The following NBR1 variants were observed in gnomAD, a reference collection of about 807,000 sequenced individuals.
NBR1 encodes next to BRCA1 gene 1 protein.
In NBR1, 59 loss-of-function variants were observed where a neutral mutation model predicts 115.5. The observed-to-expected ratio is 0.51, with a 90% CI of 0.41 to 0.63. NBR1 has a LOEUF of 0.63. NBR1 is among the 30% of genes least tolerant of loss of function. NBR1 has a pLI of 0.00. For missense variants in NBR1, 1,043 were observed against 1,150.5 expected, an observed-to-expected ratio of 0.91 and a Z score of 1.35; for synonymous variants, 373 against 414.7, an observed-to-expected ratio of 0.90 and a Z score of 1.22.
At chr17:43,201,612 C>A in intron 17 of NBR1, 74 bp from the exon 18 acceptor site, 1 of 853,456 alleles carries the variant, frequency 1.2e-6, no homozygotes, top group Non-Finnish European at 2.0e-6. Context: ...CACTGCTGTG[C>A]TGTGTTTACT....
chr17:43,179,323 TG>T, intron 3 of NBR1, 70 bp from the exon 4 acceptor site: 2 of 1,414,954 alleles, frequency 1.4e-6, no homozygotes, highest in Admixed American at 1.8e-5. Flanking sequence ...CCTATGGGGC[TG>T]GTCCTAGTAA....
Position 43,193,699 on chromosome 17 carries a change from T to C in NBR1, c.1524+61T>C, listed in dbSNP as rs552751842. ...AAATCTTAGTTAGAGAGGAGATGGC[T>C]AAAACTAAAAGAACCCACTCATAGC... On this transcript the variant is annotated intron_variant, in intron 12 of 20. Transcript: ENST00000590996. The C allele has an allele frequency of 3.4e-4, 513 of 1,505,728 alleles. 8 individuals are homozygous for C. In the Middle Eastern group the frequency reaches 0.019, roughly 54 times the overall value. 93.3% of individuals were successfully genotyped at this position (1,505,728 alleles called of 1,614,324 possible).
At chr17:43,187,668 C>G (rs1012431467) in intron 6 of NBR1, among the ~76,000 whole-genome samples, 10 of 151,226 alleles carry the variant, frequency 6.6e-5, no homozygotes, top group Non-Finnish European at 1.5e-4. Context: ...ACCACCACAC[C>G]TGGCTAATTT....
chr17:43,176,773 T>G (rs891048125), intron 2 of NBR1: 5 of 152,176 alleles, frequency 3.3e-5, no homozygotes, highest in Admixed American at 1.3e-4. Context: ...ACAGCTTGCC[T>G]TTTTTCTTCC....
intron 3 of NBR1, 59 bp from the exon 4 acceptor site, chr17:43,179,335 C>T: frequency 1.3e-6 from 2 of 1,537,732 alleles, no homozygotes; most frequent in Non-Finnish European, 1.8e-6. Context: ...GTCCTAGTAA[C>T]AGAAATGCTC....
intron 20 of NBR1, chr17:43,209,660 C>T: frequency 6.5e-7 from 1 of 1,535,426 alleles, no homozygotes; most frequent in Non-Finnish European, 8.7e-7. Flanking sequence ...TTCATTAGCT[C>T]CCCGGTTTCC....
chr17:43,206,581 G>T (rs1456394356), intron 20 of NBR1, among the ~76,000 whole-genome samples: 1 of 151,984 alleles, frequency 6.6e-6, no homozygotes, highest in Non-Finnish European at 1.5e-5. Context: ...CTTGAACCTG[G>T]GAAGCAGAGG....
chr17:43,203,486 C>T (rs910392516), intron 19 of NBR1, among the ~76,000 whole-genome samples, 195 bp from the exon 20 acceptor site: 1 of 152,176 alleles, frequency 6.6e-6, no homozygotes, highest in African/African-American at 2.4e-5. Flanking sequence ...ATCTTGCTTG[C>T]ACCAGTAGAG....
rs183600364 is a variant in NBR1 at position 43,186,591 on chromosome 17, A to G, written c.402+147A>G. 1.9e-5 allele frequency: 13 copies of G among 672,146 alleles called. No individual in the cohort carries two copies. In the African/African-American group the frequency reaches 2.4e-4, roughly 13 times the overall value. The allele number at this position is 672,146 out of a possible 1,614,324, so 41.6% of individuals were successfully genotyped here. On this transcript the variant is annotated intron_variant, in intron 6 of 20. Transcript: ENST00000590996. ...ATGTGCAGGTTTGTTATATAGGTATACATGAGCCATGGTGGTTTGCTGCAC... is the reference window on the plus strand; with the variant it reads ...ATGTGCAGGTTTGTTATATAGGTATGCATGAGCCATGGTGGTTTGCTGCAC...
intron 14 of NBR1, 96 bp downstream of exon 14, chr17:43,195,135 C>G: frequency 1.1e-6 from 1 of 937,374 alleles, no homozygotes; most frequent in Non-Finnish European, 1.7e-6. Context: ...GAGGAAATGG[C>G]AAGGATTTCT....
Position 43,191,600 on chromosome 17 carries a change from T to C in NBR1, c.1073+19T>C. On this transcript the variant is annotated intron_variant, in intron 10 of 20. Coordinates refer to ENST00000590996, the MANE Select transcript of NBR1 (RefSeq NM_005899.5). ...CCCTGATGTAAGCCCAGGACTGGGG[T>C]GGGAGCCAAAACTTTAGGCCCAGCT... 6.4e-7 allele frequency: 1 copy of C among 1,563,120 alleles called. No individual in the cohort carries two copies. Among genetic ancestry groups the C allele is most frequent in the South Asian group, 1.2e-5 (1 of 84,222 alleles).
chr17:43,195,004 A>C lies in NBR1; in HGVS notation c.1715A>C (p.Gln572Pro). ...SFELLDINIV[Q>P]ELERVPHNTP... is the part of the protein sequence containing the mutation. Reference sequence around the variant, plus strand: ...GAGCTGTTGGATATAAACATTGTTCAAGAGTTGGAGAGAGTGCCCCACAAC... The same window carrying C: ...GAGCTGTTGGATATAAACATTGTTCCAGAGTTGGAGAGAGTGCCCCACAAC... The change falls in exon 14 of 21, where the codon CAA becomes CCA. Residue 572 changes from glutamine to proline, a missense_variant. Physicochemically the swap from Gln to Pro is moderately conservative, Grantham distance 76. Transcript: ENST00000590996. The C allele has an allele frequency of 6.2e-7, 1 of 1,613,828 alleles. No individual in the cohort carries two copies. Among genetic ancestry groups the C allele is most frequent in the South Asian group, 1.1e-5 (1 of 91,052 alleles).
chr17:43,209,664 G>T, intron 20 of NBR1: 1 of 1,535,220 alleles, frequency 6.5e-7, no homozygotes, highest in Non-Finnish European at 8.7e-7. Context: ...TTAGCTCCCC[G>T]GTTTCCCTTT....
At chr17:43,205,029 A>G (rs1005117488) in intron 20 of NBR1, among the ~76,000 whole-genome samples, 1 of 151,878 alleles carries the variant, frequency 6.6e-6, no homozygotes, top group Non-Finnish European at 1.5e-5. Flanking sequence ...ATGGGAAACA[A>G]GTGAGGTGCA....
intron 20 of NBR1, among the ~76,000 whole-genome samples, chr17:43,209,240 C>T (rs2057372411): frequency 6.6e-6 from 1 of 151,990 alleles, no homozygotes; most frequent in Admixed American, 6.6e-5. Context: ...CCACGCCTGG[C>T]TAATTTTTTG....
chr17:43,189,160 G>A, intron 7 of NBR1, 41 bp downstream of exon 7: 1 of 1,379,166 alleles, frequency 7.3e-7, no homozygotes, highest in South Asian at 1.2e-5. Context: ...TGCGGTGTTG[G>A]CACAGGTGGA....
rs199886303 is a variant in NBR1, at chr17:43,190,749, G to A, written c.836G>A (p.Arg279His). ...PFCHSKYSTP[R>H]LPAALEQVRL... Reference sequence around the variant, plus strand: ...TGTCACTCAAAGTACTCTACTCCTCGTCTTCCTGCTGCTCTGGAACAAGTC... The same window carrying A: ...TGTCACTCAAAGTACTCTACTCCTCATCTTCCTGCTGCTCTGGAACAAGTC... Residue 279 changes from arginine (R) to histidine (H), a missense_variant, in exon 9 of 21, where the codon CGT (arginine) becomes CAT (histidine). Transcript: ENST00000590996. 70 of 1,608,772 alleles carry A rather than the reference G, an allele frequency of 4.4e-5. No individual in the cohort carries two copies. Among genetic ancestry groups the A allele is most frequent in the African/African-American group, 9.4e-5 (7 of 74,850 alleles).
At position 43,193,185 on chromosome 17, in the gene NBR1, G is replaced by A. The variant is rs1186782003; in HGVS notation, c.1165G>A (p.Gly389Arg). 6.2e-7 allele frequency: 1 copy of A among 1,613,950 alleles called. No individual in the cohort carries two copies. The highest frequency in any genetic ancestry group is 8.5e-7 in the Non-Finnish European group (1 of 1,179,856). Residue 389 changes from glycine (G) to arginine (R), a missense_variant, in exon 11 of 21, where the codon GGA (glycine) becomes AGA (arginine). By Grantham distance (125) the Gly-to-Arg change is moderately radical. Coordinates refer to ENST00000590996, the MANE Select transcript of NBR1 (RefSeq NM_005899.5). ...NLPDGTHLQP[G>R]TKFIKHWRMK... ...GCCTGATGGGACTCACCTTCAGCCA[G>A]GAACCAAGTTTATCAAACACTGGAG...
At chr17:43,197,469 A>G (rs1051403697) in intron 16 of NBR1, among the ~76,000 whole-genome samples, 2 of 151,882 alleles carry the variant, frequency 1.3e-5, no homozygotes, top group African/African-American at 4.8e-5. Context: ...CAGTGAGCCA[A>G]GATTGCGCCA....
Sources: allele counts gnomAD v4.1 joint callset (sites outside exome capture counted in the v4.1 genomes callset), GRCh38; gene constraint gnomAD v4.1.1; transcripts MANE v1.5; gene names NCBI Gene and HGNC (gene_info 2026-07-23, HGNC 2026-07-21).